Variants in ANKFY1 observed in about 807,000 individuals in gnomAD.
ANKFY1 encodes ankyrin repeat and FYVE domain-containing protein 1.
A neutral mutation model predicts 128.3 loss-of-function variants in ANKFY1; 47 were observed. The observed-to-expected ratio is 0.37, with a 90% CI of 0.29 to 0.47. The LOEUF is 0.47. ANKFY1 is among the 20% of genes least tolerant of loss of function. ANKFY1 has a pLI of 1.00. For missense variants in ANKFY1, 1,222 were observed against 1,510.6 expected (o/e 0.81, Z 3.17); for synonymous variants, 553 against 601.6 (o/e 0.92, Z 1.18).
At position 4,164,729 on chromosome 17, in the gene ANKFY1, GA is replaced by G. The variant is rs1567897672; in HGVS notation, c.*3049del. The G allele has an allele frequency of 6.6e-6, 1 of 152,382 alleles. No individual in the cohort carries two copies. Among genetic ancestry groups the G allele is most frequent in the Non-Finnish European group, 1.5e-5 (1 of 68,064 alleles). The allele number at this position is 152,382 out of a possible 1,614,324, so 9.4% of individuals were successfully genotyped here. A position where few individuals can be genotyped will look rare whatever the true frequency, so the allele number is the denominator to read the frequency against. On this transcript the variant is annotated 3_prime_UTR_variant, in exon 25 of 25. Transcript: ENST00000341657. ...CGTGCCCGTGGAGAAGATTAGTGCA[GA>G]AACGGTTCAATATGGCAGGTGTGGG...
intron 1 of ANKFY1, among the ~76,000 whole-genome samples, chr17:4,247,762 G>C (rs148685156): frequency 1.3e-5 from 2 of 152,294 alleles, no homozygotes; most frequent in African/African-American, 4.8e-5. Flanking sequence ...GGGCCAGACT[G>C]ACTGGGATCA....
chr17:4,170,674 G>A (rs375331862), intron 23 of ANKFY1, 41 bp downstream of exon 23: 40 of 1,575,476 alleles, frequency 2.5e-5, no homozygotes, highest in East Asian at 1.8e-4. Flanking sequence ...CCAACACTAC[G>A]ACTGTGCTTG....
intron 3 of ANKFY1, among the ~76,000 whole-genome samples, chr17:4,231,747 C>T (rs1598117321): frequency 6.6e-6 from 1 of 151,830 alleles, no homozygotes; most frequent in Admixed American, 6.6e-5. Context: ...GAGTTCAAGA[C>T]CAGCCTGGGC....
Position 4,169,005 on chromosome 17 carries a change from G to T in ANKFY1, c.3377+193C>A. On this transcript the variant is annotated intron_variant, in intron 24 of 24. Transcript: ENST00000341657. This position sits in a 1 kb window ranked among gnomAD's most constrained non-coding sequence, Gnocchi z 5.0. ...CAGCAGGAAAGCCACCCGTCTGCAG[G>T]CTCCCTGCCTTCCCTACATCTCTGT... is the stretch of plus-strand genomic sequence containing the variant. The T allele has an allele frequency of 1.8e-6, 1 of 549,830 alleles. No homozygotes were observed. The highest frequency in any genetic ancestry group is 3.3e-6 in the Non-Finnish European group (1 of 304,914). 34.1% of individuals were successfully genotyped at this position (549,830 alleles called of 1,614,324 possible). A position where few individuals can be genotyped will look rare whatever the true frequency, so the allele number is the denominator to read the frequency against.
At chr17:4,237,191 G>A (rs1412616459) in intron 2 of ANKFY1, among the ~76,000 whole-genome samples, 1 of 151,974 alleles carries the variant, frequency 6.6e-6, no homozygotes, top group African/African-American at 2.4e-5. Flanking sequence ...GCTTGACAGA[G>A]ACACATTCTA....
In ANKFY1 at chr17:4,205,744, A is replaced by AG. The variant is rs1234697096; in HGVS notation, c.898+576_898+577insC. 5.3e-5 allele frequency among the ~76,000 whole-genome samples: 8 copies of AG among 151,590 alleles called. No homozygotes were observed. In the East Asian group the frequency reaches 9.7e-4, roughly 18 times the overall value. The stretch of plus-strand genomic sequence containing the variant: ...GCGACAGAACAAGACTCCGTCTCAA[A>AG]AAAAAAAAAAGATTTAAATGTTTTG... On this transcript the variant is annotated intron_variant, in intron 7 of 24. Transcript: ENST00000341657.
intron 1 of ANKFY1, among the ~76,000 whole-genome samples, chr17:4,248,758 T>C (rs890420856): frequency 3.3e-5 from 5 of 152,128 alleles, no homozygotes; most frequent in Non-Finnish European, 7.4e-5. Flanking sequence ...AGCAAGACTC[T>C]GTCTCAAAAA....
At chr17:4,168,621 C>T (rs1225094241) in intron 24 of ANKFY1, among the ~76,000 whole-genome samples, 5 of 152,094 alleles carry the variant, frequency 3.3e-5, no homozygotes, top group East Asian at 1.9e-4. Flanking sequence ...GTGCCCACCA[C>T]GACCCCCAGC....
At position 4,209,946 on chromosome 17, in the gene ANKFY1, A is replaced by T. The variant is rs2060096566; in HGVS notation, c.460T>A (p.Cys154Ser). 3.1e-6 allele frequency: 5 copies of T among 1,611,522 alleles called. No homozygotes were observed. Among genetic ancestry groups the T allele is most frequent in the Non-Finnish European group, 4.2e-6 (5 of 1,177,868 alleles). The change falls in exon 5 of 25, where the codon TGT (cysteine) becomes AGT (serine). Residue 154 changes from cysteine (C) to serine (S), a missense_variant and splice_region_variant. By Grantham distance (112) the Cys-to-Ser change is moderately radical. Coordinates refer to ENST00000341657, the MANE Select transcript of ANKFY1 (RefSeq NM_001330063.2). ...RFQLQLLRER[C>S]EKGVMSLVNV... ...ACTAGAGACATAACACCCTTCTCAC[A>T]TCTGTAAGAGAGTATTCATCATGAG... is the stretch of plus-strand genomic sequence containing the variant.
chr17:4,169,298 AG>A lies in ANKFY1; in HGVS notation c.3287-11del, dbSNP rs1221519839. The A allele has an allele frequency of 4.5e-6, 7 of 1,542,598 alleles. No individual in the cohort carries two copies. In the East Asian group the frequency reaches 7.4e-5, roughly 16 times the overall value. On this transcript the variant is annotated splice_polypyrimidine_tract_variant and intron_variant, in intron 23 of 24. Transcript: ENST00000341657. This position sits in a 1 kb window ranked among gnomAD's most constrained non-coding sequence, Gnocchi z 5.0. Reference sequence around the variant, plus strand: ...TCCTTGGACAGCATATCTGCAACACAGGGGGGAGGCCCGGTCCCGTCAAACC... The same window carrying A: ...TCCTTGGACAGCATATCTGCAACACAGGGGGAGGCCCGGTCCCGTCAAACC...
In ANKFY1 at chr17:4,181,566, G is replaced by A. The variant is rs188332146; in HGVS notation, c.2122-194C>T. The stretch of plus-strand genomic sequence containing the variant: ...ATTAAAATTTGCTGTGTGCAAGTTC[G>A]TGCACTAGGTCCTGTGGGACAGACT... On this transcript the variant is annotated intron_variant, in intron 15 of 24. Transcript: ENST00000341657. The surrounding 1 kb of genome is among the most constrained non-coding windows in gnomAD (Gnocchi z 4.9). 1.1e-4 allele frequency among the ~76,000 whole-genome samples: 16 copies of A among 152,252 alleles called. No individual in the cohort carries two copies. Among genetic ancestry groups the A allele is most frequent in the Non-Finnish European group, 1.8e-4 (12 of 68,022 alleles).
chr17:4,243,215 T>A (rs188678918), intron 1 of ANKFY1, among the ~76,000 whole-genome samples: 2 of 152,092 alleles, frequency 1.3e-5, no homozygotes, highest in African/African-American at 4.8e-5. Context: ...TACAGGCACA[T>A]GCCACCATGC....
intron 7 of ANKFY1, among the ~76,000 whole-genome samples, chr17:4,202,084 T>C (rs899011902): frequency 2.6e-5 from 4 of 152,120 alleles, no homozygotes; most frequent in Admixed American, 2.0e-4. Context: ...ACCTTTAAGC[T>C]TAAAATATAT....
intron 1 of ANKFY1, among the ~76,000 whole-genome samples, chr17:4,255,447 G>A (rs1054686885): frequency 2.0e-5 from 3 of 151,798 alleles, no homozygotes; most frequent in Non-Finnish European, 2.9e-5. Flanking sequence ...ACAGGATTTC[G>A]CCATGTTGGC....
At chr17:4,196,699 T>C (rs2059830779) in intron 8 of ANKFY1, among the ~76,000 whole-genome samples, 1 of 152,174 alleles carries the variant, frequency 6.6e-6, no homozygotes, top group Non-Finnish European at 1.5e-5. Flanking sequence ...TTTCTAACAA[T>C]TAGAATTTTC....
chr17:4,256,672 A>G (rs1042971294), intron 1 of ANKFY1, among the ~76,000 whole-genome samples: 1 of 152,192 alleles, frequency 6.6e-6, no homozygotes, highest in Non-Finnish European at 1.5e-5. Flanking sequence ...TGGTATAACT[A>G]GAAAGCAACA....
At position 4,170,874 on chromosome 17, in the gene ANKFY1, AG is replaced by A; in HGVS notation, c.3140-14del. ...GCCAGGAGCAGCACTGGAAAACAAA[AG>A]CACGCGCAGGGCTACTTCCCACCCG... On this transcript the variant is annotated splice_polypyrimidine_tract_variant and intron_variant, in intron 22 of 24. Transcript: ENST00000341657. 6.2e-7 allele frequency: 1 copy of A among 1,614,168 alleles called. No homozygotes were observed. Among genetic ancestry groups the A allele is most frequent in the Non-Finnish European group, 8.5e-7 (1 of 1,180,020 alleles).
At position 4,181,174 on chromosome 17, in the gene ANKFY1, T is replaced by C. The variant is rs866055076; in HGVS notation, c.2240+80A>G. ...GCCGGCTACTGGCATGCCAAGACTA[T>C]AGACGGATTTAAAAAGGAAAGAGCC... On this transcript the variant is annotated intron_variant, in intron 16 of 24. Transcript: ENST00000341657. This position sits in a 1 kb window ranked among gnomAD's most constrained non-coding sequence, Gnocchi z 4.9. The C allele has an allele frequency of 4.2e-6, 5 of 1,194,230 alleles. No individual in the cohort carries two copies. Among genetic ancestry groups the C allele is most frequent in the Middle Eastern group, 4.5e-4 (2 of 4,448 alleles). The allele number at this position is 1,194,230 out of a possible 1,614,324, so 74.0% of individuals were successfully genotyped here. A position where few individuals can be genotyped will look rare whatever the true frequency, so the allele number is the denominator to read the frequency against.
At chr17:4,216,024 G>C (rs2060215461) in intron 4 of ANKFY1, among the ~76,000 whole-genome samples, 1 of 152,208 alleles carries the variant, frequency 6.6e-6, no homozygotes, top group African/African-American at 2.4e-5. Flanking sequence ...CTGTGGACCT[G>C]CTTTTGTTTT....
Sources: allele counts gnomAD v4.1 joint callset (sites outside exome capture counted in the v4.1 genomes callset), GRCh38; gene constraint gnomAD v4.1.1; non-coding constraint Gnocchi (gnomAD v3.1); transcripts MANE v1.5; gene names NCBI Gene and HGNC (gene_info 2026-07-23, HGNC 2026-07-21).